DOCK1: variants seen among roughly 807,000 people sequenced by gnomAD.
The protein encoded by DOCK1 is dedicator of cytokinesis 1.
In DOCK1, 138 loss-of-function variants were observed where a neutral mutation model predicts 262.7. The observed-to-expected ratio is 0.53, with a 90% CI of 0.46 to 0.61. The LOEUF (loss-of-function observed/expected upper bound fraction) is 0.61, where lower values mean the gene tolerates loss of function less well. Among genes scored for constraint, DOCK1 ranks in the 20% least tolerant of loss-of-function variants. The pLI, the probability that DOCK1 is intolerant of heterozygous loss-of-function variation, is 0.00. For synonymous variants in DOCK1, 866 were observed against 867.4 expected, an observed-to-expected ratio of 1.00 and a Z score of 0.03; for missense variants, 1,908 against 2,370.7, an observed-to-expected ratio of 0.80 and a Z score of 4.05.
intron 29 of DOCK1, among the ~76,000 whole-genome samples, chr10:127,318,385 G>T (rs777009454): frequency 5.3e-5 from 8 of 152,218 alleles, no homozygotes; most frequent in Non-Finnish European, 1.0e-4. Context: ...GAGGCACACG[G>T]TTCTCTAAGA....
At chr10:127,261,843 CGT>C (rs1318610566) in intron 29 of DOCK1, among the ~76,000 whole-genome samples, 58 of 95,576 alleles carry the variant, frequency 6.1e-4, no homozygotes, top group African/African-American at 2.3e-3. Flanking sequence ...TGTGGGTGTG[CGT>C]GTGTGTACCT....
At chr10:127,315,666 C>T (rs895179568) in intron 29 of DOCK1, among the ~76,000 whole-genome samples, 26 of 152,158 alleles carry the variant, frequency 1.7e-4, no homozygotes, top group Admixed American at 1.7e-3. Context: ...TGAGAGCTGC[C>T]CCTGAAGTCA....
At chr10:127,339,210 A>G in intron 30 of DOCK1, 126 bp downstream of exon 30, 1 of 823,238 alleles carries the variant, frequency 1.2e-6, no homozygotes, top group Non-Finnish European at 2.0e-6. Context: ...AGATGCGGAA[A>G]CGGAATTTGT....
chr10:126,995,159 G>T lies in DOCK1; in HGVS notation c.474-1589G>T, dbSNP rs1420019439. ...AGAGACGCTCCTCACTTCTAGACGG[G>T]ATGACGGCCGGGAAGAGGCGCTCCT... On this transcript the variant is annotated intron_variant, in intron 6 of 51. Transcript: ENST00000623213. This position sits in a 1 kb window ranked among gnomAD's most constrained non-coding sequence, Gnocchi z 5.8. Among the ~76,000 whole-genome samples the T allele has an allele frequency of 2.6e-5, 4 of 151,700 alleles. No individual in the cohort carries two copies. The East Asian group carries it at 7.8e-4, about 30-fold the overall frequency.
At chr10:126,976,422 A>G (rs1274782603) in intron 2 of DOCK1, among the ~76,000 whole-genome samples, 2 of 152,172 alleles carry the variant, frequency 1.3e-5, no homozygotes, top group African/African-American at 4.8e-5. Flanking sequence ...GGATATGCAG[A>G]AAACAGCTGG....
In DOCK1 at chr10:126,937,469, T is replaced by G. The variant is rs928692056; in HGVS notation, c.46+31906T>G. Among the ~76,000 whole-genome samples, 82 of 152,056 alleles carry G rather than the reference T, an allele frequency of 5.4e-4. 2 individuals are homozygous for G. The highest frequency in any genetic ancestry group is 3.2e-3 in the Middle Eastern group (1 of 316). On this transcript the variant is annotated intron_variant, in intron 1 of 51. Transcript: ENST00000623213. ...TTCCCACCACTAGTACACAGGGGTT[T>G]GAGTTTCTCCACACTTGTTTTTCTC...
chr10:127,096,760 T>C (rs1279787034), intron 23 of DOCK1, among the ~76,000 whole-genome samples: 1 of 151,918 alleles, frequency 6.6e-6, no homozygotes, highest in Non-Finnish European at 1.5e-5. Context: ...TTGGATTAAG[T>C]TGGCATTCTC....
At chr10:127,197,404 T>A (rs2057249593) in intron 27 of DOCK1, among the ~76,000 whole-genome samples, 1 of 151,580 alleles carries the variant, frequency 6.6e-6, no homozygotes, top group Non-Finnish European at 1.5e-5. Context: ...GAGTATTGGG[T>A]GTTTTGAGCT....
chr10:127,223,059 G>T (rs578249545), intron 27 of DOCK1, among the ~76,000 whole-genome samples: 1 of 152,268 alleles, frequency 6.6e-6, no homozygotes, highest in Non-Finnish European at 1.5e-5. Flanking sequence ...CTGTTCCCAT[G>T]TATCCTTCAT....
intron 11 of DOCK1, among the ~76,000 whole-genome samples, chr10:127,009,311 T>C (rs1350370299): frequency 6.6e-6 from 1 of 152,222 alleles, no homozygotes; most frequent in Non-Finnish European, 1.5e-5. Flanking sequence ...GTTTTTAGGC[T>C]TTCTCTAGTT....
chr10:127,330,617 T>C (rs1295296225), intron 29 of DOCK1, among the ~76,000 whole-genome samples: 7 of 152,084 alleles, frequency 4.6e-5, no homozygotes. Flanking sequence ...GTACATAAAT[T>C]TGGAAAGCAG....
At chr10:127,185,987 A>G (rs75493804) in intron 27 of DOCK1, among the ~76,000 whole-genome samples, 3,613 of 152,298 alleles carry the variant, frequency 0.024, 144 homozygotes, top group African/African-American at 0.079. Context: ...CTCCCAAGAT[A>G]TGGTAGTGGC....
Position 127,018,757 on chromosome 10 carries a change from C to A in DOCK1, c.1249C>A (p.Arg417=). 1 of 1,613,940 alleles carries A rather than the reference C, an allele frequency of 6.2e-7. No individual in the cohort carries two copies. Among genetic ancestry groups the A allele is most frequent in the Non-Finnish European group, 8.5e-7 (1 of 1,179,886 alleles). Residue 417 remains arginine, a synonymous_variant, in exon 13 of 52, where the codon CGA becomes AGA. Transcript: ENST00000623213. ...KLLPGDIHQI[R]KEFPHLVDRT... is the part of the protein sequence containing the mutation. ...ACTTCCTGGAGATATCCATCAGATC[C>A]GAAAAGAGTTTCCGCATTTAGTGGA...
chr10:127,398,788 A>G (rs1393121937), intron 38 of DOCK1, among the ~76,000 whole-genome samples: 5 of 152,138 alleles, frequency 3.3e-5, no homozygotes, highest in Non-Finnish European at 7.4e-5. Flanking sequence ...AATTATTAGA[A>G]AGGGATGGCT....
intron 27 of DOCK1, among the ~76,000 whole-genome samples, chr10:127,153,626 C>G (rs982085707): frequency 3.3e-5 from 5 of 152,198 alleles, no homozygotes; most frequent in Non-Finnish European, 7.3e-5. Flanking sequence ...CTTGAAACCA[C>G]TAAGATACAT....
At chr10:126,939,057 CG>C (rs1158747549) in intron 1 of DOCK1, among the ~76,000 whole-genome samples, 24 of 60,172 alleles carry the variant, frequency 4.0e-4, no homozygotes, top group South Asian at 2.1e-3. Context: ...GGATGAACAC[CG>C]GGGGGGGGAC....
intron 2 of DOCK1, among the ~76,000 whole-genome samples, chr10:126,976,339 T>C (rs1396000355): frequency 6.6e-6 from 1 of 152,200 alleles, no homozygotes; most frequent in Admixed American, 6.5e-5. Flanking sequence ...GAGAGTGAAA[T>C]GAGTTCAGTT....
At chr10:126,908,450 C>G (rs375254766) in intron 1 of DOCK1, among the ~76,000 whole-genome samples, 2 of 152,024 alleles carry the variant, frequency 1.3e-5, no homozygotes, top group Admixed American at 6.6e-5. Flanking sequence ...GGCCCATGAA[C>G]GAATCACGAG....
intron 29 of DOCK1, among the ~76,000 whole-genome samples, chr10:127,279,980 G>T (rs2060883709): frequency 7.0e-6 from 1 of 142,142 alleles, no homozygotes; most frequent in Non-Finnish European, 1.5e-5. Context: ...TTTTTTTAAA[G>T]ACATTTTAGT....
Sources: gnomAD v4.1 joint callset for allele counts (sites outside exome capture counted in the v4.1 genomes callset) on GRCh38, gnomAD v4.1.1 for gene constraint, Gnocchi (gnomAD v3.1) non-coding constraint, MANE v1.5 for transcripts, NCBI Gene and HGNC (gene_info 2026-07-23, HGNC 2026-07-21) for gene names.